The following SNTG1 variants were observed in gnomAD, a reference collection of about 807,000 sequenced individuals.
SNTG1 encodes the protein syntrophin gamma 1.
In SNTG1, 39 loss-of-function variants were observed where a neutral mutation model predicts 74.7. The ratio of observed to expected loss-of-function variants is 0.52; its 90% CI spans 0.40 to 0.68. The LOEUF is 0.68. SNTG1 is among the 30% of genes least tolerant of loss of function. The pLI is 0.00. For missense variants in SNTG1, 685 were observed against 609.5 expected (o/e 1.12, Z -1.30); for synonymous variants, 254 against 217.1 (o/e 1.17, Z -1.49).
intron 14 of SNTG1, 112 bp downstream of exon 14, chr8:50,657,137 GA>G: frequency 2.0e-6 from 1 of 497,632 alleles, no homozygotes; most frequent in Non-Finnish European, 3.4e-6. Flanking sequence ...ATAATATAGA[GA>G]AAAAGTAGAA....
intron 17 of SNTG1, among the ~76,000 whole-genome samples, chr8:50,740,750 C>G (rs2095541337): frequency 6.6e-6 from 1 of 151,980 alleles, no homozygotes; most frequent in Non-Finnish European, 1.5e-5. Flanking sequence ...AAATGCCCAT[C>G]AGTGGTAAAC....
At chr8:50,019,371 G>A (rs184801155) in intron 1 of SNTG1, among the ~76,000 whole-genome samples, 1 of 152,100 alleles carries the variant, frequency 6.6e-6, no homozygotes, top group East Asian at 1.9e-4. Flanking sequence ...AAATACAAAC[G>A]AGTGTGCATA....
In SNTG1 at chr8:50,032,740, C is replaced by A. The variant is rs149126009; in HGVS notation, c.-103+120509C>A. On this transcript the variant is annotated intron_variant, in intron 1 of 18. Transcript: ENST00000642720. ...ACAATAGAGAAGTAACTCTCCTTCACTTCCAGGAAGCAGAAGTCAAAATTT... is the reference window on the plus strand; with the variant it reads ...ACAATAGAGAAGTAACTCTCCTTCAATTCCAGGAAGCAGAAGTCAAAATTT... Among the ~76,000 whole-genome samples the A allele has an allele frequency of 1.2e-3, 185 of 152,320 alleles. 2 individuals carry two copies. The highest frequency in any genetic ancestry group is 6.8e-3 in the Middle Eastern group (2 of 294).
intron 1 of SNTG1, among the ~76,000 whole-genome samples, chr8:49,951,536 C>T (rs938678059): frequency 6.6e-6 from 1 of 151,240 alleles, no homozygotes. Flanking sequence ...CATATTCTCA[C>T]TCATAGGTGG....
chr8:50,473,490 A>T (rs1235863148), intron 8 of SNTG1, among the ~76,000 whole-genome samples: 1 of 152,210 alleles, frequency 6.6e-6, no homozygotes, highest in African/African-American at 2.4e-5. Context: ...TGGTATAGCC[A>T]TTATGAAGAA....
intron 2 of SNTG1, among the ~76,000 whole-genome samples, chr8:50,284,930 T>G (rs543472007): frequency 6.6e-6 from 1 of 152,182 alleles, no homozygotes; most frequent in Non-Finnish European, 1.5e-5. Context: ...TTTTTTTACT[T>G]TTAAAAGTAT....
intron 2 of SNTG1, among the ~76,000 whole-genome samples, chr8:50,183,171 A>T (rs1175644353): frequency 6.6e-6 from 1 of 152,096 alleles, no homozygotes; most frequent in Non-Finnish European, 1.5e-5. Context: ...GCTTATTTTC[A>T]TACTGATGAC....
rs7464025 is a variant in SNTG1, at chr8:50,404,709, T to A, written c.162+2365T>A. Among the ~76,000 whole-genome samples the A allele has an allele frequency of 1.6e-3, 240 of 152,172 alleles. 2 individuals carry two copies. Among genetic ancestry groups the A allele is most frequent in the Middle Eastern group, 0.01 (3 of 294 alleles). ...TTTTAAGTATAAAGTTCAGTAGCAT[T>A]TCGTGCATTCATTTTGTTGTGTAAC... On this transcript the variant is annotated intron_variant, in intron 4 of 18. Transcript: ENST00000642720.
At chr8:50,339,109 A>T (rs969195036) in intron 2 of SNTG1, among the ~76,000 whole-genome samples, 3 of 152,128 alleles carry the variant, frequency 2.0e-5, no homozygotes, top group African/African-American at 7.2e-5. Flanking sequence ...TTCTCTTAGA[A>T]ACCATGCAAA....
chr8:50,478,009 C>G (rs1159579639), intron 8 of SNTG1, among the ~76,000 whole-genome samples: 1 of 152,078 alleles, frequency 6.6e-6, no homozygotes, highest in East Asian at 1.9e-4. Flanking sequence ...TACTGAAATA[C>G]CCTCTCTGCT....
intron 8 of SNTG1, among the ~76,000 whole-genome samples, chr8:50,459,625 C>T (rs1367678713): frequency 6.6e-6 from 1 of 152,046 alleles, no homozygotes; most frequent in African/African-American, 2.4e-5. Flanking sequence ...ACCCGTCGCT[C>T]AGGTAGTGAG....
intron 9 of SNTG1, among the ~76,000 whole-genome samples, chr8:50,512,682 A>G (rs149387704): frequency 1.3e-5 from 2 of 152,180 alleles, no homozygotes; most frequent in East Asian, 1.9e-4. Flanking sequence ...TCCATCCTTG[A>G]TACCCTTTCT....
intron 2 of SNTG1, among the ~76,000 whole-genome samples, chr8:50,280,985 C>CAAAAAAAAAAAA (rs35973666): frequency 3.3e-4 from 25 of 75,314 alleles, no homozygotes; most frequent in South Asian, 4.8e-4. Flanking sequence ...AACCCAGTCT[C>CAAAAAAAAAAAA]AAAAAAAAAA....
chr8:50,582,949 G>T (rs2094620715), intron 12 of SNTG1, among the ~76,000 whole-genome samples: 1 of 151,990 alleles, frequency 6.6e-6, no homozygotes, highest in Non-Finnish European at 1.5e-5. Context: ...GACCCAATGA[G>T]TTTCCTTATC....
At chr8:50,143,689 G>A (rs1586459137) in intron 1 of SNTG1, among the ~76,000 whole-genome samples, 1 of 152,172 alleles carries the variant, frequency 6.6e-6, no homozygotes, top group East Asian at 1.9e-4. Context: ...ATATGTTACT[G>A]TTTGGGCGCA....
intron 1 of SNTG1, among the ~76,000 whole-genome samples, chr8:50,050,062 A>T (rs1819437497): frequency 6.6e-6 from 1 of 151,932 alleles, no homozygotes; most frequent in African/African-American, 2.4e-5. Context: ...AAATAAGAGT[A>T]AAGAAAATCC....
intron 2 of SNTG1, among the ~76,000 whole-genome samples, chr8:50,341,340 C>T (rs746245315): frequency 3.9e-5 from 6 of 152,018 alleles, no homozygotes; most frequent in Admixed American, 1.3e-4. Context: ...TATTTTTTCT[C>T]TGCTTGTTCC....
At chr8:50,323,360 C>T (rs2090606953) in intron 2 of SNTG1, among the ~76,000 whole-genome samples, 1 of 152,068 alleles carries the variant, frequency 6.6e-6, no homozygotes, top group Admixed American at 6.5e-5. Flanking sequence ...TTATTTACTT[C>T]ATTTGGTGAA....
At chr8:50,528,756 CCTT>C in intron 9 of SNTG1, among the ~76,000 whole-genome samples, 1 of 151,636 alleles carries the variant, frequency 6.6e-6, no homozygotes, top group Middle Eastern at 3.4e-3. Flanking sequence ...AATGACCCCT[CCTT>C]CATTCCTGAT....
Sources: gnomAD v4.1 joint callset for allele counts (sites outside exome capture counted in the v4.1 genomes callset) on GRCh38, gnomAD v4.1.1 for gene constraint, MANE v1.5 for transcripts, NCBI Gene and HGNC (gene_info 2026-07-23, HGNC 2026-07-21) for gene names.